STAG1: variants seen among roughly 807,000 people sequenced by gnomAD.
The protein encoded by STAG1 is cohesin subunit SA-1.
STAG1 carries 26 observed loss-of-function variants against 170.9 expected under a neutral mutation model. The ratio of observed to expected loss-of-function variants is 0.15; its 90% CI spans 0.11 to 0.21. The LOEUF (loss-of-function observed/expected upper bound fraction) is 0.21. Among genes scored for constraint, STAG1 ranks in the 10% least tolerant of loss-of-function variants. STAG1 has a pLI of 1.00. For synonymous variants in STAG1, 514 were observed against 497.7 expected (o/e 1.03, Z -0.44); for missense variants, 964 against 1,509.5 (o/e 0.64, Z 5.99).
At chr3:136,711,360 G>A (rs934870212) in intron 1 of STAG1, among the ~76,000 whole-genome samples, 11 of 152,008 alleles carry the variant, frequency 7.2e-5, no homozygotes, top group Non-Finnish European at 1.6e-4. Context: ...AGAACAAGCT[G>A]GGCAGCCTGA....
chr3:136,549,015 C>T (rs1208014817), intron 5 of STAG1, among the ~76,000 whole-genome samples: 7 of 152,156 alleles, frequency 4.6e-5, no homozygotes, highest in Admixed American at 1.3e-4. Context: ...TTCCTAGCCA[C>T]GCTTCCTCTA....
chr3:136,504,821 T>C (rs1431649990), intron 7 of STAG1, among the ~76,000 whole-genome samples: 5 of 152,156 alleles, frequency 3.3e-5, no homozygotes, highest in African/African-American at 4.8e-5. Context: ...CAGCTGTATA[T>C]CTTCTTGTGA....
intron 13 of STAG1, among the ~76,000 whole-genome samples, chr3:136,458,519 G>A (rs2089183264): frequency 6.6e-6 from 1 of 152,014 alleles, no homozygotes. Flanking sequence ...ACAAAGCAAT[G>A]TCTATAATAG....
chr3:136,507,071 A>G (rs1933805856), intron 7 of STAG1, among the ~76,000 whole-genome samples: 1 of 152,210 alleles, frequency 6.6e-6, no homozygotes, highest in Non-Finnish European at 1.5e-5. Context: ...AGGAAGTACT[A>G]TTATTAGTTC....
chr3:136,509,704 G>C (rs1559848553), intron 7 of STAG1, among the ~76,000 whole-genome samples: 2 of 152,052 alleles, frequency 1.3e-5, no homozygotes, highest in Non-Finnish European at 2.9e-5. Flanking sequence ...GAAAACACTG[G>C]AACAAAAGGA....
Position 136,531,887 on chromosome 3 carries a change from G to A in STAG1, c.471+10232C>T, listed in dbSNP as rs576107854. 2.1e-4 allele frequency among the ~76,000 whole-genome samples: 30 copies of A among 142,920 alleles called. No individual in the cohort carries two copies. The South Asian group carries it at 5.9e-3, about 28-fold the overall frequency. 93.8% of individuals were successfully genotyped at this position (142,920 alleles called of 152,430 possible). On this transcript the variant is annotated intron_variant, in intron 6 of 33. Coordinates refer to ENST00000383202, the MANE Select transcript of STAG1 (RefSeq NM_005862.3). ...TAACTAACCTGCACATTGTGCACAT[G>A]TACCCTAAAACTTAAAGTATAAAAA...
intron 13 of STAG1, among the ~76,000 whole-genome samples, chr3:136,452,492 A>T (rs912697938): frequency 6.6e-6 from 1 of 151,528 alleles, no homozygotes; most frequent in African/African-American, 2.4e-5. Context: ...TGAACCCAGG[A>T]GGCGGAGCTT....
intron 12 of STAG1, among the ~76,000 whole-genome samples, chr3:136,470,481 A>G (rs1219584686): frequency 6.6e-6 from 1 of 152,170 alleles, no homozygotes; most frequent in Non-Finnish European, 1.5e-5. Flanking sequence ...AAAAGTTAGG[A>G]AACAACAGAT....
At chr3:136,380,753 C>T (rs1937908965) in intron 22 of STAG1, among the ~76,000 whole-genome samples, 1 of 151,920 alleles carries the variant, frequency 6.6e-6, no homozygotes, top group African/African-American at 2.4e-5. Flanking sequence ...GGCATGATGG[C>T]TCACGCCTGT....
At chr3:136,668,365 CATAAT>C (rs899976882) in intron 1 of STAG1, among the ~76,000 whole-genome samples, 30 of 141,590 alleles carry the variant, frequency 2.1e-4, no homozygotes, top group African/African-American at 2.9e-4. Context: ...ATATATTATA[CATAAT>C]ATATTATACA....
At position 136,422,394 on chromosome 3, in the gene STAG1, T is replaced by A; in HGVS notation, c.2037+16A>T. On this transcript the variant is annotated intron_variant, in intron 19 of 33. Transcript: ENST00000383202. Reference sequence around the variant, plus strand: ...AGTCAATATTATTATATGTACACATTAACTTTAGAACAGACCTCTTGCAAT... The same window carrying A: ...AGTCAATATTATTATATGTACACATAAACTTTAGAACAGACCTCTTGCAAT... The A allele has an allele frequency of 6.2e-7, 1 of 1,609,644 alleles. No individual in the cohort carries two copies. The highest frequency in any genetic ancestry group is 8.5e-7 in the Non-Finnish European group (1 of 1,176,388).
chr3:136,545,191 G>A (rs1936100439), intron 5 of STAG1, among the ~76,000 whole-genome samples: 1 of 152,058 alleles, frequency 6.6e-6, no homozygotes. Flanking sequence ...TGGGATTACA[G>A]GCACACGTCA....
chr3:136,385,520 A>C (rs1295797827), intron 22 of STAG1, among the ~76,000 whole-genome samples: 1 of 152,200 alleles, frequency 6.6e-6, no homozygotes, highest in Non-Finnish European at 1.5e-5. Flanking sequence ...CTGAGATGTA[A>C]ATCATAGTAT....
At chr3:136,610,801 G>C (rs1296833273) in intron 3 of STAG1, among the ~76,000 whole-genome samples, 1 of 152,150 alleles carries the variant, frequency 6.6e-6, no homozygotes, top group East Asian at 1.9e-4. Context: ...TTTGACAAAT[G>C]CTTGGTGTTG....
chr3:136,679,775 G>A (rs1025621339), intron 1 of STAG1, among the ~76,000 whole-genome samples: 5 of 149,758 alleles, frequency 3.3e-5, no homozygotes, highest in South Asian at 2.1e-4. Context: ...GGTGGTGCAC[G>A]CCTGTAATTC....
chr3:136,400,835 C>CT, intron 21 of STAG1, among the ~76,000 whole-genome samples: 1 of 152,012 alleles, frequency 6.6e-6, no homozygotes, highest in Non-Finnish European at 1.5e-5. Context: ...TGCCTGGCCT[C>CT]AAAATAAATT....
At chr3:136,562,808 G>A (rs992401661) in intron 5 of STAG1, among the ~76,000 whole-genome samples, 1 of 151,926 alleles carries the variant, frequency 6.6e-6, no homozygotes, top group Non-Finnish European at 1.5e-5. Context: ...GGCTGGTCTT[G>A]AACTCCTGAC....
rs542752959 is a variant in STAG1 at position 136,370,629 on chromosome 3, T to C, written c.2371-1347A>G. 1.0e-3 allele frequency among the ~76,000 whole-genome samples: 158 copies of C among 152,266 alleles called. 1 individual carries two copies. The highest frequency in any genetic ancestry group is 3.2e-3 in the Admixed American group (49 of 15,286). On this transcript the variant is annotated intron_variant, in intron 23 of 33. Transcript: ENST00000383202. ...CGCAGTGTTTGGTTTTTTGTCCTTG[T>C]GATAGTTTGCTGAGAGTGATGGTTT...
intron 4 of STAG1, among the ~76,000 whole-genome samples, chr3:136,580,602 C>T (rs1342462166): frequency 5.5e-5 from 8 of 145,262 alleles, no homozygotes; most frequent in Non-Finnish European, 1.2e-4. Flanking sequence ...GGCGCAATCT[C>T]GGCTCACTGC....
Sources: allele counts gnomAD v4.1 joint callset (sites outside exome capture counted in the v4.1 genomes callset), GRCh38; gene constraint gnomAD v4.1.1; transcripts MANE v1.5; gene names NCBI Gene and HGNC (gene_info 2026-07-23, HGNC 2026-07-21).